DENND5B: variants seen among roughly 807,000 people sequenced by gnomAD.
DENND5B encodes DENN domain-containing protein 5B.
Under a neutral mutation model 140.6 loss-of-function variants are expected in DENND5B, and 34 were observed. The ratio of observed to expected loss-of-function variants is 0.24; its 90% CI spans 0.18 to 0.32. The LOEUF (loss-of-function observed/expected upper bound fraction) is 0.32. DENND5B is among the 10% of genes least tolerant of loss of function. DENND5B has a pLI of 1.00. For missense variants in DENND5B, 1,142 were observed against 1,560.2 expected (o/e 0.73, Z 4.52); for synonymous variants, 551 against 562.1 (o/e 0.98, Z 0.28).
At chr12:31,534,797 G>C in intron 1 of DENND5B, 1 of 445,002 alleles carries the variant, frequency 2.2e-6, no homozygotes, top group East Asian at 7.1e-5. Flanking sequence ...AATATCAAAT[G>C]CCGTTTCTTT....
intron 9 of DENND5B, 88 bp downstream of exon 9, chr12:31,426,205 T>G: frequency 7.0e-7 from 1 of 1,431,930 alleles, no homozygotes; most frequent in Non-Finnish European, 9.2e-7. Context: ...AATTACATGC[T>G]TAAATGGGGG....
chr12:31,570,959 A>G (rs75057626), intron 1 of DENND5B, among the ~76,000 whole-genome samples: 1 of 152,244 alleles, frequency 6.6e-6, no homozygotes, highest in Non-Finnish European at 1.5e-5. Context: ...CCAAAACATA[A>G]TAAGACAATC....
intron 1 of DENND5B, among the ~76,000 whole-genome samples, chr12:31,508,023 T>C (rs766289230): frequency 1.9e-4 from 29 of 152,206 alleles, no homozygotes; most frequent in Non-Finnish European, 3.7e-4. Flanking sequence ...TTATTCAATA[T>C]AAAACAAATC....
Position 31,389,385 on chromosome 12 carries a change from T to C in DENND5B, c.3580A>G (p.Thr1194Ala). 1 of 1,613,622 alleles carries C rather than the reference T, an allele frequency of 6.2e-7. No individual in the cohort carries two copies. The highest frequency in any genetic ancestry group is 1.7e-5 in the Admixed American group (1 of 59,970). ...TCCTTCCCAATGTTCCTGGGTGCAG[T>C]ATTAATAGCATTTACGTAGTGGCAG... ...TFCHYVNAIN[T>A]APRNIGKDGK... is the part of the protein sequence containing the mutation. Residue 1194 changes from threonine (T) to alanine (A), a missense_variant, in exon 20 of 21, where the codon ACT becomes GCT. By Grantham distance (58) the Thr-to-Ala change is moderately conservative. Around this residue, in one of 5 missense-constraint regions of DENND5B, gnomAD observed 125 missense variants for 179.0 expected, o/e 0.70. Transcript: ENST00000389082.
chr12:31,407,406 G>A (rs994740721), intron 14 of DENND5B, among the ~76,000 whole-genome samples: 7 of 152,192 alleles, frequency 4.6e-5, no homozygotes, highest in Admixed American at 3.3e-4. Context: ...TGGGATTACA[G>A]GCTTGAGCCA....
At chr12:31,550,064 A>T (rs530101531) in intron 1 of DENND5B, among the ~76,000 whole-genome samples, 35 of 148,916 alleles carry the variant, frequency 2.4e-4, no homozygotes, top group East Asian at 1.6e-3. Context: ...TTTTTTTTTT[A>T]AATTTTATTA....
At chr12:31,590,553 A>C (rs1950584174) in intron 1 of DENND5B, 153 bp downstream of exon 1, 2 of 959,784 alleles carry the variant, frequency 2.1e-6, no homozygotes, top group Non-Finnish European at 2.8e-6. Context: ...AATGTCATTA[A>C]ATCGCGCCCG....
At chr12:31,430,015 T>A (rs1395883133) in intron 8 of DENND5B, among the ~76,000 whole-genome samples, 1 of 151,096 alleles carries the variant, frequency 6.6e-6, no homozygotes. Flanking sequence ...TGAATACTTT[T>A]TTGTTTGTTT....
rs1172462543 is a variant in DENND5B, at chr12:31,384,645, A to G, written c.*2958T>C. The G allele has an allele frequency of 6.6e-6, 1 of 152,192 alleles. No individual in the cohort carries two copies. Among genetic ancestry groups the G allele is most frequent in the African/African-American group, 2.4e-5 (1 of 41,448 alleles). The allele number at this position is 152,192 out of a possible 1,614,324, so 9.4% of individuals were successfully genotyped here. A position where few individuals can be genotyped will look rare whatever the true frequency, so the allele number is the denominator to read the frequency against. On this transcript the variant is annotated 3_prime_UTR_variant, in exon 21 of 21. Coordinates refer to ENST00000389082, the MANE Select transcript of DENND5B (RefSeq NM_144973.4). Reference sequence around the variant, plus strand: ...GTTTTTTTTAAATCATCATTTCACCATTATAGTAATATTACACAAAGGCAT... The same window carrying G: ...GTTTTTTTTAAATCATCATTTCACCGTTATAGTAATATTACACAAAGGCAT...
rs77475287 is a variant in DENND5B, at chr12:31,571,048, C to T, written c.127+19658G>A. Among the ~76,000 whole-genome samples the T allele has an allele frequency of 4.9e-3, 748 of 152,190 alleles. 6 individuals carry two copies. The highest frequency in any genetic ancestry group is 8.2e-3 in the Non-Finnish European group (560 of 68,028). ...TCTCCGCATTCTCGGCTGCAAGTGC[C>T]AGCACTGATCATGAAATGTTTACAT... is the stretch of plus-strand genomic sequence containing the variant. On this transcript the variant is annotated intron_variant, in intron 1 of 20. Coordinates refer to ENST00000389082, the MANE Select transcript of DENND5B (RefSeq NM_144973.4).
rs748336040 is a variant in DENND5B at position 31,415,468 on chromosome 12, C to G, written c.2471-20G>C. ...GGGCAACTATGTAGAAAAATATCAA[C>G]AAAATATTAGAAAAGTAATAAAAAA... On this transcript the variant is annotated intron_variant, in intron 11 of 20. Transcript: ENST00000389082. 9 of 1,553,900 alleles carry G rather than the reference C, an allele frequency of 5.8e-6. No homozygotes were observed. The highest frequency in any genetic ancestry group is 1.7e-4 in the Middle Eastern group (1 of 5,956).
chr12:31,406,089 C>T (rs926730475), intron 14 of DENND5B, among the ~76,000 whole-genome samples: 9 of 151,364 alleles, frequency 5.9e-5, no homozygotes, highest in African/African-American at 1.5e-4. Flanking sequence ...TCAGGTGATC[C>T]GCCACCTCGG....
In DENND5B at chr12:31,383,736, G is replaced by GA. The variant is rs1940732755; in HGVS notation, c.*3866dup. On this transcript the variant is annotated 3_prime_UTR_variant, in exon 21 of 21. Coordinates refer to ENST00000389082, the MANE Select transcript of DENND5B (RefSeq NM_144973.4). The stretch of plus-strand genomic sequence containing the variant: ...ACTCGCAGTCATTTTTAAGGCATAT[G>GA]ACTCCCGACCAGGGCACAGATCTCA... 6.6e-6 allele frequency: 1 copy of GA among 152,100 alleles called. No homozygotes were observed. The allele number at this position is 152,100 out of a possible 1,614,324, so 9.4% of individuals were successfully genotyped here. A position where few individuals can be genotyped will look rare whatever the true frequency, so the allele number is the denominator to read the frequency against.
At chr12:31,516,036 G>A (rs748429649) in intron 1 of DENND5B, among the ~76,000 whole-genome samples, 9 of 152,156 alleles carry the variant, frequency 5.9e-5, no homozygotes, top group African/African-American at 4.8e-5. Flanking sequence ...TATCTTGCAC[G>A]TAGATGTATG....
chr12:31,531,668 T>A (rs1361901061), intron 1 of DENND5B, among the ~76,000 whole-genome samples: 1 of 152,228 alleles, frequency 6.6e-6, no homozygotes, highest in Non-Finnish European at 1.5e-5. Context: ...GGCATCATGC[T>A]ATTGTGGCTA....
intron 3 of DENND5B, among the ~76,000 whole-genome samples, chr12:31,463,078 C>A (rs1453967569): frequency 6.6e-6 from 1 of 152,164 alleles, no homozygotes; most frequent in African/African-American, 2.4e-5. Context: ...GCCCGCCCAT[C>A]ATGGCAAAAC....
intron 11 of DENND5B, among the ~76,000 whole-genome samples, chr12:31,416,872 T>A (rs1942768373): frequency 1.3e-5 from 2 of 150,650 alleles, no homozygotes; most frequent in Non-Finnish European, 3.0e-5. Flanking sequence ...ATTATATGGG[T>A]TTGGACAATG....
intron 19 of DENND5B, among the ~76,000 whole-genome samples, chr12:31,389,704 T>C (rs944439202): frequency 6.6e-6 from 1 of 152,210 alleles, no homozygotes; most frequent in African/African-American, 2.4e-5. Flanking sequence ...ATTTTCTAAT[T>C]TAGACTGCAT....
At chr12:31,574,582 T>G (rs888893660) in intron 1 of DENND5B, among the ~76,000 whole-genome samples, 4 of 151,888 alleles carry the variant, frequency 2.6e-5, no homozygotes, top group African/African-American at 9.7e-5. Flanking sequence ...AGAGCGAGAC[T>G]CTGCCTCAAA....
Sources: gnomAD v4.1 joint callset for allele counts (sites outside exome capture counted in the v4.1 genomes callset) on GRCh38, gnomAD v4.1.1 for gene constraint, gnomAD v4.1.1 regional missense constraint, MANE v1.5 for transcripts, NCBI Gene and HGNC (gene_info 2026-07-23, HGNC 2026-07-21) for gene names.